The following ZDHHC21 variants were observed in gnomAD, a reference collection of about 807,000 sequenced individuals.
ZDHHC21 encodes zDHHC palmitoyltransferase 21.
ZDHHC21 carries 15 observed loss-of-function variants against 34.6 expected under a neutral mutation model. That is an observed-to-expected ratio of 0.43 (90% confidence interval 0.29 to 0.67). The LOEUF is 0.67. ZDHHC21 is among the 30% of genes least tolerant of loss of function. ZDHHC21 has a pLI of 0.14. For missense variants in ZDHHC21, 344 were observed against 327.7 expected, an observed-to-expected ratio of 1.05 and a Z score of -0.38; for synonymous variants, 142 against 101.8, an observed-to-expected ratio of 1.40 and a Z score of -2.38.
rs1835940997 is a variant in ZDHHC21, at chr9:14,674,180, A to T, written c.154+7T>A. 6.7e-7 allele frequency: 1 copy of T among 1,482,102 alleles called. No homozygotes were observed. Among genetic ancestry groups the T allele is most frequent in the East Asian group, 2.5e-5 (1 of 39,322 alleles). 91.8% of individuals were successfully genotyped at this position (1,482,102 alleles called of 1,614,324 possible). On this transcript the variant is annotated splice_region_variant and intron_variant, in intron 4 of 9. Transcript: ENST00000380916. Reference sequence around the variant, plus strand: ...TTATACAAGAAAATAAAGATCAAGAAACTTACTTATTATTAATATGCCTGG... The same window carrying T: ...TTATACAAGAAAATAAAGATCAAGATACTTACTTATTATTAATATGCCTGG...
At position 14,613,807 on chromosome 9, in the gene ZDHHC21, G is replaced by A. The variant is rs981355077; in HGVS notation, c.*5159C>T. 6.6e-6 allele frequency: 1 copy of A among 151,712 alleles called. No homozygotes were observed. The highest frequency in any genetic ancestry group is 1.5e-5 in the Non-Finnish European group (1 of 67,752). 9.4% of individuals were successfully genotyped at this position (151,712 alleles called of 1,614,324 possible). A position where few individuals can be genotyped will look rare whatever the true frequency, so the allele number is the denominator to read the frequency against. ...TCAGTATCTTTTCTTTGCAATAAGA[G>A]ATTTCCAGAAAAGGTGCCAGTTTTT... On this transcript the variant is annotated 3_prime_UTR_variant, in exon 10 of 10. Transcript: ENST00000380916.
At chr9:14,663,531 C>CT (rs546274387) in intron 5 of ZDHHC21, among the ~76,000 whole-genome samples, 211 of 90,396 alleles carry the variant, frequency 2.3e-3, no homozygotes, top group Middle Eastern at 0.012. Flanking sequence ...ATTTTTATTT[C>CT]TTTTTTTTCT....
chr9:14,647,396 T>C (rs1470959606), intron 7 of ZDHHC21, among the ~76,000 whole-genome samples: 1 of 152,108 alleles, frequency 6.6e-6, no homozygotes, highest in Non-Finnish European at 1.5e-5. Context: ...TAAACTTATA[T>C]CCTAATCTCA....
downstream of ZDHHC21, among the ~76,000 whole-genome samples, chr9:14,610,863 T>A (rs1251662760): frequency 6.6e-6 from 1 of 152,042 alleles, no homozygotes; most frequent in Non-Finnish European, 1.5e-5. Flanking sequence ...CGTTTGTCAA[T>A]TTCAGCCCTA....
At chr9:14,604,871 C>T in the ZDHHC21 span, among the ~76,000 whole-genome samples, 1 of 152,070 alleles carries the variant, frequency 6.6e-6, no homozygotes, top group Non-Finnish European at 1.5e-5. Context: ...AACAGCAGTT[C>T]CCCAATTCCC....
downstream of ZDHHC21, among the ~76,000 whole-genome samples, chr9:14,609,665 G>A (rs1264650144): frequency 2.0e-5 from 3 of 151,930 alleles, no homozygotes; most frequent in Admixed American, 6.6e-5. Flanking sequence ...CAAGACCAGT[G>A]GTAATATTAA....
intron 7 of ZDHHC21, 62 bp downstream of exon 7, chr9:14,658,687 G>A (rs1168957799): frequency 3.7e-6 from 5 of 1,362,918 alleles, no homozygotes; most frequent in Admixed American, 1.8e-5. Flanking sequence ...TAGCCAGGAT[G>A]GTCTCGATCT....
At chr9:14,634,230 A>T (rs993257158) in intron 8 of ZDHHC21, among the ~76,000 whole-genome samples, 6 of 152,158 alleles carry the variant, frequency 3.9e-5, no homozygotes, top group African/African-American at 1.4e-4. Context: ...CCCATTGCTG[A>T]TATTGTCAAC....
intron 2 of ZDHHC21, chr9:14,683,773 C>T (rs1219550787): frequency 6.6e-6 from 1 of 152,198 alleles, no homozygotes; most frequent in Non-Finnish European, 1.5e-5. Flanking sequence ...GACCAATATC[C>T]CTGATGTACA....
At chr9:14,637,068 A>C (rs1828433704) in intron 8 of ZDHHC21, among the ~76,000 whole-genome samples, 1 of 152,048 alleles carries the variant, frequency 6.6e-6, no homozygotes, top group Non-Finnish European at 1.5e-5. Flanking sequence ...TGAGACGTAA[A>C]AGCAAAAGAG....
chr9:14,598,728 AT>A, the ZDHHC21 span, among the ~76,000 whole-genome samples: 1 of 152,164 alleles, frequency 6.6e-6, no homozygotes, highest in Non-Finnish European at 1.5e-5. Context: ...TGAGAAATAT[AT>A]TTTTTATTAT....
rs1824059898 is a variant in ZDHHC21 at position 14,615,855 on chromosome 9, C to A, written c.*3111G>T. ...CTTTAACATACATTTTGCTTAAAAT[C>A]AAATAGAATGTTTATAAAGAAATAC... On this transcript the variant is annotated 3_prime_UTR_variant, in exon 10 of 10. Transcript: ENST00000380916. 1 of 151,592 alleles carries A rather than the reference C, an allele frequency of 6.6e-6. No homozygotes were observed. The highest frequency in any genetic ancestry group is 6.6e-5 in the Admixed American group (1 of 15,168). 9.4% of individuals were successfully genotyped at this position (151,592 alleles called of 1,614,324 possible).
At chr9:14,593,682 G>C in the ZDHHC21 span, 1 of 152,276 alleles carries the variant, frequency 6.6e-6, no homozygotes, top group South Asian at 2.1e-4. Context: ...TTCAATGACA[G>C]TCACTTCTGG....
chr9:14,679,020 G>A (rs1180783717), intron 3 of ZDHHC21, among the ~76,000 whole-genome samples: 1 of 152,024 alleles, frequency 6.6e-6, no homozygotes, highest in Non-Finnish European at 1.5e-5. Flanking sequence ...GAGGCATGAG[G>A]GAACTCTCTG....
chr9:14,677,638 T>C (rs964692982), intron 3 of ZDHHC21, among the ~76,000 whole-genome samples: 2 of 152,112 alleles, frequency 1.3e-5, no homozygotes, highest in Non-Finnish European at 2.9e-5. Flanking sequence ...CTAGTGGATA[T>C]ACTGGTACTT....
In ZDHHC21 at chr9:14,663,817, C is replaced by T. The variant is rs368755242; in HGVS notation, c.254-1491G>A. Among the ~76,000 whole-genome samples, 9 of 152,168 alleles carry T rather than the reference C, an allele frequency of 5.9e-5. No homozygotes were observed. The East Asian group carries it at 1.2e-3, about 20-fold the overall frequency. On this transcript the variant is annotated intron_variant, in intron 5 of 9. Coordinates refer to ENST00000380916, the MANE Select transcript of ZDHHC21 (RefSeq NM_178566.6). ...TACAGTTATTTTAATGAAAATAAAT[C>T]ATGCAAGAGCAACAGTACTAAAGCT...
chr9:14,690,676 A>T (rs528025466), intron 1 of ZDHHC21, among the ~76,000 whole-genome samples: 11 of 152,200 alleles, frequency 7.2e-5, no homozygotes, highest in Non-Finnish European at 1.6e-4. Flanking sequence ...AGCAAAACAA[A>T]CACATAAAGT....
chr9:14,680,231 T>C (rs1837129211), intron 2 of ZDHHC21, 69 bp from the exon 3 acceptor site: 1 of 152,316 alleles, frequency 6.6e-6, no homozygotes, highest in Non-Finnish European at 1.5e-5. Flanking sequence ...ATATTCTAAC[T>C]GTGGAAATGC....
At chr9:14,630,473 A>G (rs1827143286) in intron 8 of ZDHHC21, among the ~76,000 whole-genome samples, 1 of 152,166 alleles carries the variant, frequency 6.6e-6, no homozygotes, top group African/African-American at 2.4e-5. Context: ...GTTAACCATG[A>G]AGTTTAGAAT....
Sources: allele counts gnomAD v4.1 joint callset (sites outside exome capture counted in the v4.1 genomes callset), GRCh38; gene constraint gnomAD v4.1.1; transcripts MANE v1.5; gene names NCBI Gene and HGNC (gene_info 2026-07-23, HGNC 2026-07-21).